Variants in DMD observed in about 807,000 individuals in gnomAD.
DMD encodes dystrophin.
In DMD, 63 loss-of-function variants were observed where a neutral mutation model predicts 330.1. That is an observed-to-expected ratio of 0.19 (90% CI 0.16 to 0.24). DMD has a LOEUF of 0.24. Ranked by LOEUF, DMD falls within the 10% of genes least tolerant of loss-of-function variation. DMD has a pLI of 1.00. For synonymous variants in DMD, 1,223 were observed against 959.8 expected (o/e 1.27, Z -5.07); for missense variants, 3,344 against 2,684.1 (o/e 1.25, Z -5.43).
chrX:32,818,270 A>G (rs1368536854), intron 5 of DMD, among the ~76,000 whole-genome samples: 2 of 112,019 alleles, frequency 1.8e-5, no homozygotes, highest in Non-Finnish European at 3.8e-5. Context: ...TTAAAGGACA[A>G]CAAAGTATTC....
chrX:32,772,145 T>C (rs2073678477), intron 7 of DMD, among the ~76,000 whole-genome samples: 2 of 112,563 alleles, frequency 1.8e-5, no homozygotes, highest in Non-Finnish European at 3.8e-5. Flanking sequence ...CTAAAGCAGA[T>C]ACTGCTGTAA....
At chrX:32,823,013 GA>G (rs910187307) in intron 5 of DMD, among the ~76,000 whole-genome samples, 2 of 111,198 alleles carry the variant, frequency 1.8e-5, no homozygotes, top group African/African-American at 6.5e-5. Flanking sequence ...ATACATTTGT[GA>G]AAAAAATTAC....
chrX:33,279,941 G>T (rs184811477), intron 1 of DMD, among the ~76,000 whole-genome samples: 211 of 15,406 alleles, frequency 0.014, 3 homozygotes, highest in African/African-American at 0.052. Context: ...TCTTTATGTA[G>T]TTTTGATACT....
intron 74 of DMD, among the ~76,000 whole-genome samples, chrX:31,159,308 C>T (rs2038534589): frequency 9.0e-6 from 1 of 111,300 alleles, no homozygotes; most frequent in Non-Finnish European, 1.9e-5. Context: ...TTGAAATTAT[C>T]GCCTTGATTT....
At chrX:32,861,042 C>T (rs2082039423) in intron 2 of DMD, among the ~76,000 whole-genome samples, 1 of 111,762 alleles carries the variant, frequency 8.9e-6, no homozygotes, top group Non-Finnish European at 1.9e-5. Flanking sequence ...CCCAGAATGC[C>T]TTGGGTTCAA....
intron 7 of DMD, among the ~76,000 whole-genome samples, chrX:32,749,900 G>A (rs960825264): frequency 1.8e-5 from 2 of 112,478 alleles, no homozygotes; most frequent in African/African-American, 3.2e-5. Context: ...TAGGTATTAG[G>A]AATTGCAGCT....
intron 1 of DMD, among the ~76,000 whole-genome samples, chrX:33,151,121 G>A (rs927201298): frequency 8.9e-6 from 1 of 112,473 alleles, no homozygotes; most frequent in African/African-American, 3.2e-5. Flanking sequence ...ATAAAGCCCT[G>A]TTCATGTATT....
chrX:32,997,830 G>A (rs1228291772), intron 2 of DMD, among the ~76,000 whole-genome samples: 3 of 111,435 alleles, frequency 2.7e-5, no homozygotes, highest in African/African-American at 9.8e-5. Flanking sequence ...TTCTTAACTA[G>A]CCTTTATCTA....
rs1168763566 is a variant in DMD, at chrX:33,109,688, G to A, written c.32-89488C>T. Among the ~76,000 whole-genome samples, 4 of 111,899 alleles carry A rather than the reference G, an allele frequency of 3.6e-5. No individual in the cohort carries two copies. In the East Asian group the frequency reaches 1.1e-3, roughly 31 times the overall value. On this transcript the variant is annotated intron_variant, in intron 1 of 78. Coordinates refer to ENST00000357033, the MANE Select transcript of DMD (RefSeq NM_004006.3). ...TGACTGATCGTTGTCTGAAAACAAC[G>A]ACGAAGTGGGGAGGTGAAAAAGATT...
chrX:33,216,671 A>T (rs2052063661), intron 1 of DMD, among the ~76,000 whole-genome samples: 1 of 112,211 alleles, frequency 8.9e-6, no homozygotes, highest in Non-Finnish European at 1.9e-5. Context: ...TTAGACATAC[A>T]TTTTTCAAAA....
rs189344210 is a variant in DMD at position 31,638,753 on chromosome X, G to T, written c.8028-10891C>A. Among the ~76,000 whole-genome samples, 8 of 112,279 alleles carry T rather than the reference G, an allele frequency of 7.1e-5. No homozygotes were observed. In the East Asian group the frequency reaches 2.2e-3, roughly 31 times the overall value. On this transcript the variant is annotated intron_variant, in intron 54 of 78. Coordinates refer to ENST00000357033, the MANE Select transcript of DMD (RefSeq NM_004006.3). ...AAATTAGCTAATCTCTTCAATAAATGGGTTCATATTTCTCTTATAGCCTCC... is the reference window on the plus strand; with the variant it reads ...AAATTAGCTAATCTCTTCAATAAATTGGTTCATATTTCTCTTATAGCCTCC...
intron 60 of DMD, among the ~76,000 whole-genome samples, chrX:31,422,041 A>ATTTT (rs755714075): frequency 9.2e-5 from 1 of 10,919 alleles, no homozygotes; most frequent in African/African-American, 1.4e-4. Flanking sequence ...ATATATATAT[A>ATTTT]TATTTTTTTT....
At chrX:32,902,250 G>A (rs1267454261) in intron 2 of DMD, among the ~76,000 whole-genome samples, 1 of 107,590 alleles carries the variant, frequency 9.3e-6, no homozygotes, top group Non-Finnish European at 1.9e-5. Flanking sequence ...CAGGTAAAAT[G>A]TCCTGTAAAT....
At chrX:32,504,189 A>C (rs1286238098) in intron 18 of DMD, among the ~76,000 whole-genome samples, 1 of 112,585 alleles carries the variant, frequency 8.9e-6, no homozygotes, top group African/African-American at 3.2e-5. Context: ...ACAATTATTT[A>C]ATTCCAATTT....
chrX:31,290,952 A>G (rs760241572), intron 62 of DMD, among the ~76,000 whole-genome samples: 67 of 112,407 alleles, frequency 6.0e-4, no homozygotes, highest in African/African-American at 2.1e-3. Context: ...TATCATGAAA[A>G]TAACATTTAA....
chrX:32,325,410 A>G (rs1178422484), intron 41 of DMD, among the ~76,000 whole-genome samples: 1 of 111,918 alleles, frequency 8.9e-6, no homozygotes, highest in African/African-American at 3.2e-5. Context: ...TTTACATAAC[A>G]TATTTATCAG....
intron 23 of DMD, among the ~76,000 whole-genome samples, chrX:32,465,166 G>T (rs959548935): frequency 9.0e-6 from 1 of 111,711 alleles, no homozygotes; most frequent in African/African-American, 3.3e-5. Context: ...GGAACTTTTG[G>T]ACTAATATTT....
chrX:32,144,876 T>C (rs971803250), intron 44 of DMD, among the ~76,000 whole-genome samples: 17 of 110,297 alleles, frequency 1.5e-4, no homozygotes, highest in Non-Finnish European at 3.8e-5. Context: ...CTACTAAAAA[T>C]ACAAAAAATT....
chrX:31,305,352 A>T (rs186269196), intron 62 of DMD, among the ~76,000 whole-genome samples: 202 of 111,811 alleles, frequency 1.8e-3, no homozygotes, highest in African/African-American at 6.2e-3. Flanking sequence ...CTGCAATGGA[A>T]CACTAAAACT....
Sources: allele counts gnomAD v4.1 joint callset (sites outside exome capture counted in the v4.1 genomes callset), GRCh38; gene constraint gnomAD v4.1.1; transcripts MANE v1.5; gene names NCBI Gene and HGNC (gene_info 2026-07-23, HGNC 2026-07-21).